Variants in BLM observed in about 807,000 individuals in gnomAD.
BLM encodes the protein recQ-like DNA helicase BLM.
BLM carries 95 observed loss-of-function variants against 135.3 expected under a neutral mutation model. That is an observed-to-expected ratio of 0.70 (90% CI 0.59 to 0.83). The LOEUF is 0.83. BLM is among the 40% of genes least tolerant of loss of function. BLM has a pLI of 0.00. For synonymous variants in BLM, 520 were observed against 589.2 expected, an observed-to-expected ratio of 0.88 and a Z score of 1.70; for missense variants, 1,518 against 1,663.9, an observed-to-expected ratio of 0.91 and a Z score of 1.53.
At chr15:90,792,394 C>CCGTACCTGGTGT (rs1567057406) in intron 15 of BLM, among the ~76,000 whole-genome samples, 2 of 152,192 alleles carry the variant, frequency 1.3e-5, no homozygotes, top group African/African-American at 4.8e-5. Flanking sequence ...GCGTGAGCCA[C>CCGTACCTGGTGT]TATGCCCAGC....
intron 12 of BLM, among the ~76,000 whole-genome samples, chr15:90,774,138 A>G (rs146845689): frequency 0.041 from 5,740 of 141,048 alleles, 133 homozygotes; most frequent in Non-Finnish European, 0.053. Context: ...GCAGTGGTGC[A>G]ATCTCGGCTC....
At chr15:90,783,069 C>T in intron 13 of BLM, 141 bp downstream of exon 13, 4 of 664,350 alleles carry the variant, frequency 6.0e-6, no homozygotes, top group Non-Finnish European at 1.1e-5. Flanking sequence ...CAGACTATTG[C>T]AACTCTCTCA....
At chr15:90,810,864 T>C (rs7179911) in intron 20 of BLM, among the ~76,000 whole-genome samples, 8,025 of 152,268 alleles carry the variant, frequency 0.053, 246 homozygotes, top group Middle Eastern at 0.085. Context: ...TTGATACTTT[T>C]TGAATTGCCT....
rs745353821 is a variant in BLM at position 90,761,170 on chromosome 15, A to G, written c.1797A>G (p.Arg599=). The G allele has an allele frequency of 9.1e-6, 14 of 1,530,204 alleles. No individual in the cohort carries two copies. Among genetic ancestry groups the G allele is most frequent in the African/African-American group, 4.2e-5 (3 of 71,900 alleles). 94.8% of individuals were successfully genotyped at this position (1,530,204 alleles called of 1,614,324 possible). A position where few individuals can be genotyped will look rare whatever the true frequency, so the allele number is the denominator to read the frequency against. The change falls in exon 7 of 22, where the codon AGA becomes AGG. Residue 599 remains arginine (R), a synonymous_variant. Transcript: ENST00000355112. The part of the protein sequence containing the change: ...EGRPIKSVSE[R]LSSAKTDCLP... Reference sequence around the variant, plus strand: ...GGCCAATTAAATCAGTATCAGAAAGACTTTCCTCAGCCAAGACAGACTGTC... The same window carrying G: ...GGCCAATTAAATCAGTATCAGAAAGGCTTTCCTCAGCCAAGACAGACTGTC...
rs764736243 is a variant in BLM, at chr15:90,760,363, G to A, written c.1220+84G>A. 2.6e-6 allele frequency: 4 copies of A among 1,568,086 alleles called. No individual in the cohort carries two copies. In the South Asian group the frequency reaches 3.4e-5, roughly 13 times the overall value. On this transcript the variant is annotated intron_variant, in intron 6 of 21. Transcript: ENST00000355112. ...AAAAATGGACAGGGCAAAATGTTCA[G>A]GCTTTCTGGCCTGGAAATGGCATAA...
chr15:90,743,722 G>A (rs1254228411), intron 1 of BLM, among the ~76,000 whole-genome samples: 1 of 152,150 alleles, frequency 6.6e-6, no homozygotes, highest in Non-Finnish European at 1.5e-5. Flanking sequence ...TCCAACAATT[G>A]TATCGATATT....
intron 1 of BLM, among the ~76,000 whole-genome samples, chr15:90,718,886 G>A (rs889126938): frequency 6.6e-6 from 1 of 152,128 alleles, no homozygotes; most frequent in Admixed American, 6.5e-5. Flanking sequence ...AGCAGGAAGG[G>A]AAGGGAAAAA....
In BLM at chr15:90,761,100, C is replaced by A. The variant is rs2151158861; in HGVS notation, c.1727C>A (p.Ala576Asp). The A allele has an allele frequency of 6.5e-7, 1 of 1,547,520 alleles. No individual in the cohort carries two copies. The change falls in exon 7 of 22, where the codon GCC becomes GAC. Residue 576 changes from alanine (A) to aspartate (D), a missense_variant. Around this residue, in one of 5 missense-constraint regions of BLM, gnomAD observed 724 missense variants for 756.9 expected, o/e 0.96. Coordinates refer to ENST00000355112, the MANE Select transcript of BLM (RefSeq NM_000057.4). ...DWEDIMHNLA[A>D]SKSSTAAYQP... ...GAAGACATAATGCATAATTTAGCAGCCAGCAAATCTTCCACAGCTGCCTAT... is the reference window on the plus strand; with the variant it reads ...GAAGACATAATGCATAATTTAGCAGACAGCAAATCTTCCACAGCTGCCTAT...
chr15:90,798,151 C>A (rs1664709036), intron 16 of BLM, 39 bp from the exon 17 acceptor site: 2 of 1,549,942 alleles, frequency 1.3e-6, no homozygotes, highest in South Asian at 2.3e-5. Flanking sequence ...GGCATTGTTA[C>A]CTTAATTATA....
At chr15:90,812,636 A>C (rs1415056334) in intron 21 of BLM, among the ~76,000 whole-genome samples, 1 of 146,506 alleles carries the variant, frequency 6.8e-6, no homozygotes, top group African/African-American at 2.6e-5. Context: ...CAGAAAAAAG[A>C]AACCAAAAAA....
At position 90,804,156 on chromosome 15, in the gene BLM, C is replaced by T. The variant is rs529911744; in HGVS notation, c.3559-11C>T. ...ATACCCACTCCTATGATTTGTTTCT[C>T]TCTCATAAAGGTAGACTTTATGGAA... On this transcript the variant is annotated splice_polypyrimidine_tract_variant and intron_variant, in intron 18 of 21. Transcript: ENST00000355112. The T allele has an allele frequency of 5.0e-6, 8 of 1,610,798 alleles. No homozygotes were observed. The African/African-American group carries it at 8.0e-5, about 16-fold the overall frequency.
At chr15:90,798,753 G>A (rs1265615196) in intron 17 of BLM, among the ~76,000 whole-genome samples, 8 of 151,928 alleles carry the variant, frequency 5.3e-5, no homozygotes, top group South Asian at 2.1e-4. Context: ...AGGCCGAGGC[G>A]GGCGGATCAC....
rs763065919 is a variant in BLM, at chr15:90,749,393, C to A, written c.125C>A (p.Ser42Tyr). Residue 42 changes from serine to tyrosine, a missense_variant, in exon 3 of 22, where the codon TCT becomes TAT. Transcript: ENST00000355112. ...FSGFTFKKKT[S>Y]SDNNVSVTNV... ...GGTTTCACTTTTAAAAAGAAAACAT[C>A]TTCAGATAACAATGTATCTGTAACT... The A allele has an allele frequency of 1.2e-6, 2 of 1,605,170 alleles. No homozygotes were observed. Among genetic ancestry groups the A allele is most frequent in the Non-Finnish European group, 1.7e-6 (2 of 1,172,782 alleles).
chr15:90,798,366 T>TA (rs1897083733), intron 17 of BLM, 29 bp downstream of exon 17: 1 of 1,607,314 alleles, frequency 6.2e-7, no homozygotes, highest in Admixed American at 1.7e-5. Context: ...ATGTTTGAGT[T>TA]ACTTCAATTG....
At chr15:90,751,274 A>G (rs1895675345) in intron 3 of BLM, among the ~76,000 whole-genome samples, 1 of 152,222 alleles carries the variant, frequency 6.6e-6, no homozygotes, top group Non-Finnish European at 1.5e-5. Flanking sequence ...AAGCAAAACT[A>G]TAGTCTCATC....
At chr15:90,774,783 G>C (rs1468761079) in intron 12 of BLM, among the ~76,000 whole-genome samples, 1 of 146,188 alleles carries the variant, frequency 6.8e-6, no homozygotes, top group African/African-American at 2.6e-5. Context: ...GCAGTGAGCC[G>C]AGATCATGCC....
At chr15:90,802,938 A>G (rs778866068) in intron 17 of BLM, among the ~76,000 whole-genome samples, 1 of 152,140 alleles carries the variant, frequency 6.6e-6, no homozygotes, top group Non-Finnish European at 1.5e-5. Context: ...ACACAAATAT[A>G]TACACCTACT....
chr15:90,751,729 G>A lies in BLM; in HGVS notation c.800-58G>A, dbSNP rs1353348103. On this transcript the variant is annotated intron_variant, in intron 3 of 21. Transcript: ENST00000355112. ...ACTCATTCTTAATCGCTCATGCCCT[G>A]TTCTTTCTGTCTCATTAGTGGTTAA... 1.3e-5 allele frequency: 19 copies of A among 1,480,548 alleles called. No homozygotes were observed. The East Asian group carries it at 3.9e-4, about 30-fold the overall frequency. The allele number at this position is 1,480,548 out of a possible 1,614,324, so 91.7% of individuals were successfully genotyped here. A position where few individuals can be genotyped will look rare whatever the true frequency, so the allele number is the denominator to read the frequency against.
chr15:90,769,019 C>T, intron 10 of BLM, 114 bp from the exon 11 acceptor site: 3 of 954,986 alleles, frequency 3.1e-6, no homozygotes, highest in Non-Finnish European at 3.4e-6. Flanking sequence ...AGCCACCGCA[C>T]CCGGCCTTAT....
Sources: gnomAD v4.1 joint callset for allele counts (sites outside exome capture counted in the v4.1 genomes callset) on GRCh38, gnomAD v4.1.1 for gene constraint, gnomAD v4.1.1 regional missense constraint, MANE v1.5 for transcripts, NCBI Gene and HGNC (gene_info 2026-07-23, HGNC 2026-07-21) for gene names.